Variants in BNC2 observed in about 807,000 individuals in gnomAD.
BNC2 encodes zinc finger protein basonuclin-2.
Under a neutral mutation model 76.3 loss-of-function variants are expected in BNC2, and 20 were observed. The observed-to-expected ratio is 0.26, with a 90% confidence interval of 0.18 to 0.38. The LOEUF is 0.38. Among genes scored for constraint, BNC2 ranks in the 10% least tolerant of loss-of-function variants. The pLI is 1.00. For missense variants in BNC2, 1,382 were observed against 1,399.8 expected (o/e 0.99, Z 0.20); for synonymous variants, 582 against 514.8 (o/e 1.13, Z -1.77).
At position 16,418,781 on chromosome 9, in the gene BNC2, G is replaced by A. The variant is rs1023435091; in HGVS notation, c.*208C>T. On this transcript the variant is annotated 3_prime_UTR_variant, in exon 7 of 7. Coordinates refer to ENST00000380672, the MANE Select transcript of BNC2 (RefSeq NM_017637.6). ...CACTCCTTTCCCAAAACTATAAAGG[G>A]AAGTGAAAAAAATTCAAAAGCACCT... 3.3e-6 allele frequency: 2 copies of A among 605,666 alleles called. No individual in the cohort carries two copies. Among genetic ancestry groups the A allele is most frequent in the Non-Finnish European group, 5.7e-6 (2 of 348,002 alleles). 37.5% of individuals were successfully genotyped at this position (605,666 alleles called of 1,614,324 possible). A position where few individuals can be genotyped will look rare whatever the true frequency, so the allele number is the denominator to read the frequency against.
intron 6 of BNC2, among the ~76,000 whole-genome samples, chr9:16,428,211 A>G (rs556494870): frequency 2.6e-5 from 4 of 152,300 alleles, no homozygotes; most frequent in Admixed American, 2.6e-4. Context: ...GACTGAGCCA[A>G]TTGCTTTAGA....
In BNC2 at chr9:16,845,487, C is replaced by T. The variant is rs903639034; in HGVS notation, c.3+25159G>A. On this transcript the variant is annotated intron_variant, in intron 1 of 6. Coordinates refer to ENST00000380672, the MANE Select transcript of BNC2 (RefSeq NM_017637.6). Reference sequence around the variant, plus strand: ...CTGTAATCCCAGCAATTTGGGAGGCCAAGGCGGGCGGATCACAAGGTCAGG... The same window carrying T: ...CTGTAATCCCAGCAATTTGGGAGGCTAAGGCGGGCGGATCACAAGGTCAGG... Among the ~76,000 whole-genome samples the T allele has an allele frequency of 3.9e-4, 60 of 151,974 alleles. 1 individual carries two copies. Among genetic ancestry groups the T allele is most frequent in the Non-Finnish European group, 1.2e-4 (8 of 68,002 alleles).
At chr9:16,696,605 T>C (rs1823346031) in intron 3 of BNC2, among the ~76,000 whole-genome samples, 1 of 152,222 alleles carries the variant, frequency 6.6e-6, no homozygotes, top group Non-Finnish European at 1.5e-5. Flanking sequence ...AAGAACTAAC[T>C]TATTTCTCTT....
intron 5 of BNC2, among the ~76,000 whole-genome samples, chr9:16,508,744 T>C (rs914481221): frequency 6.6e-5 from 10 of 152,102 alleles, no homozygotes; most frequent in African/African-American, 2.4e-4. Context: ...TTTTCTTCTA[T>C]CCAGGATATT....
chr9:16,819,864 C>T (rs1033833949), intron 1 of BNC2, among the ~76,000 whole-genome samples: 3 of 151,746 alleles, frequency 2.0e-5, no homozygotes, highest in African/African-American at 7.3e-5. Context: ...GTGGCTCATG[C>T]CTACAATTCC....
At chr9:16,757,094 G>T (rs1030089496) in intron 1 of BNC2, among the ~76,000 whole-genome samples, 5 of 133,502 alleles carry the variant, frequency 3.7e-5, no homozygotes, top group Non-Finnish European at 8.3e-5. Context: ...TTTCTTATGG[G>T]TCAATAAGCA....
At chr9:16,423,292 C>G (rs755918186) in intron 6 of BNC2, among the ~76,000 whole-genome samples, 22 of 152,104 alleles carry the variant, frequency 1.4e-4, no homozygotes, top group Non-Finnish European at 2.8e-4. Flanking sequence ...AGAACATGAA[C>G]AGTAGAAAGG....
chr9:16,754,310 G>A (rs1242445561), intron 1 of BNC2, among the ~76,000 whole-genome samples: 1 of 152,108 alleles, frequency 6.6e-6, no homozygotes, highest in Non-Finnish European at 1.5e-5. Context: ...GTTCCCTAAA[G>A]TGTCTCTGGA....
At chr9:16,613,919 A>G (rs1820622960) in intron 3 of BNC2, among the ~76,000 whole-genome samples, 1 of 151,594 alleles carries the variant, frequency 6.6e-6, no homozygotes, top group African/African-American at 2.4e-5. Context: ...AGACAACTCG[A>G]TTACAAAAGA....
intron 3 of BNC2, among the ~76,000 whole-genome samples, chr9:16,604,733 G>A (rs1236465097): frequency 1.3e-5 from 2 of 152,262 alleles, no homozygotes; most frequent in East Asian, 3.9e-4. Context: ...GAACCCAGGA[G>A]ATGAGGTTGC....
At chr9:16,541,258 G>C (rs780538518) in intron 5 of BNC2, among the ~76,000 whole-genome samples, 6 of 152,142 alleles carry the variant, frequency 3.9e-5, no homozygotes, top group African/African-American at 1.4e-4. Flanking sequence ...AAGCAATAAA[G>C]CACTGCAAGA....
intron 1 of BNC2, among the ~76,000 whole-genome samples, chr9:16,837,902 T>C (rs1445155134): frequency 1.3e-5 from 2 of 152,016 alleles, no homozygotes; most frequent in Non-Finnish European, 2.9e-5. Flanking sequence ...CACTCCAGCT[T>C]GGGCAACAAG....
At chr9:16,478,072 G>T (rs1927634) in intron 5 of BNC2, among the ~76,000 whole-genome samples, 1 of 152,182 alleles carries the variant, frequency 6.6e-6, no homozygotes, top group Non-Finnish European at 1.5e-5. Flanking sequence ...ATCACAGTCT[G>T]AGGTAGTTCA....
At chr9:16,635,799 C>T (rs1405718545) in intron 3 of BNC2, among the ~76,000 whole-genome samples, 1 of 152,144 alleles carries the variant, frequency 6.6e-6, no homozygotes, top group Non-Finnish European at 1.5e-5. Context: ...AGGCCATAAT[C>T]AGTTTTTAAA....
At chr9:16,445,492 CT>C (rs79406349) in intron 5 of BNC2, among the ~76,000 whole-genome samples, 154 of 146,540 alleles carry the variant, frequency 1.1e-3, no homozygotes, top group East Asian at 5.9e-3. Context: ...CAAATTAGAA[CT>C]TTTTTTTTTT....
chr9:16,836,044 C>G (rs1018986925), intron 1 of BNC2, among the ~76,000 whole-genome samples: 4 of 152,146 alleles, frequency 2.6e-5, no homozygotes, highest in Non-Finnish European at 5.9e-5. Context: ...CTGGTTATAA[C>G]ACGAGGTAGT....
chr9:16,678,104 AGAG>A (rs1257220616), intron 3 of BNC2, among the ~76,000 whole-genome samples: 2 of 151,916 alleles, frequency 1.3e-5, no homozygotes, highest in Non-Finnish European at 2.9e-5. Context: ...AAATGGAGAG[AGAG>A]GAGGAAGAAA....
At position 16,416,280 on chromosome 9, in the gene BNC2, T is replaced by C. The variant is rs539463615; in HGVS notation, c.*2709A>G. The stretch of plus-strand genomic sequence containing the variant: ...AAAACTACATGTAGTCTATGCACAC[T>C]GCAAAAGCCAGAGTTTCTATAATGT... On this transcript the variant is annotated 3_prime_UTR_variant, in exon 7 of 7. Transcript: ENST00000380672. The C allele has an allele frequency of 6.5e-6, 1 of 152,756 alleles. No individual in the cohort carries two copies. The highest frequency in any genetic ancestry group is 2.1e-4 in the South Asian group (1 of 4,832). The allele number at this position is 152,756 out of a possible 1,614,324, so 9.5% of individuals were successfully genotyped here. A position where few individuals can be genotyped will look rare whatever the true frequency, so the allele number is the denominator to read the frequency against.
chr9:16,838,138 C>T (rs535529990), intron 1 of BNC2, among the ~76,000 whole-genome samples: 10 of 152,252 alleles, frequency 6.6e-5, no homozygotes, highest in South Asian at 2.1e-4. Context: ...ATACATAATG[C>T]GATATTTACA....
Sources: gnomAD v4.1 joint callset for allele counts (sites outside exome capture counted in the v4.1 genomes callset) on GRCh38, gnomAD v4.1.1 for gene constraint, MANE v1.5 for transcripts, NCBI Gene and HGNC (gene_info 2026-07-23, HGNC 2026-07-21) for gene names.